Variants in NEDD4 observed in about 807,000 individuals in gnomAD.
NEDD4 encodes E3 ubiquitin-protein ligase NEDD4.
Under a neutral mutation model 144.9 loss-of-function variants are expected in NEDD4, and 99 were observed. The observed-to-expected ratio is 0.68, with a 90% CI of 0.58 to 0.81. The LOEUF (loss-of-function observed/expected upper bound fraction) is 0.81, where lower values mean the gene tolerates loss of function less well. Ranked by LOEUF, NEDD4 falls within the 30% of genes least tolerant of loss-of-function variation. The pLI, the probability that NEDD4 is intolerant of heterozygous loss-of-function variation, is 0.00. For synonymous variants in NEDD4, 318 were observed against 350.6 expected, an observed-to-expected ratio of 0.91 and a Z score of 1.04; for missense variants, 985 against 1,065.9, an observed-to-expected ratio of 0.92 and a Z score of 1.06.
At chr15:55,887,169 T>C (rs1426404574) in intron 5 of NEDD4, among the ~76,000 whole-genome samples, 1 of 150,706 alleles carries the variant, frequency 6.6e-6, no homozygotes, top group Non-Finnish European at 1.5e-5. Flanking sequence ...ATAAATGAAA[T>C]TGAAATGAAG....
chr15:55,855,726 T>C (rs1348250061), intron 12 of NEDD4, among the ~76,000 whole-genome samples: 1 of 152,244 alleles, frequency 6.6e-6, no homozygotes, highest in Non-Finnish European at 1.5e-5. Context: ...GGCATGTGAA[T>C]GCCAGTGCAC....
At chr15:55,975,893 T>C (rs547204999) in intron 1 of NEDD4, among the ~76,000 whole-genome samples, 2 of 152,330 alleles carry the variant, frequency 1.3e-5, no homozygotes, top group African/African-American at 4.8e-5. Flanking sequence ...TACAGAGTTA[T>C]AGTATCCAAC....
chr15:55,982,543 A>G (rs1468221926), intron 1 of NEDD4, among the ~76,000 whole-genome samples: 2 of 152,214 alleles, frequency 1.3e-5, no homozygotes, highest in African/African-American at 4.8e-5. Context: ...AACAGACAAA[A>G]GTAATCCATG....
chr15:55,878,105 G>C (rs964276590), intron 5 of NEDD4, among the ~76,000 whole-genome samples: 1 of 152,016 alleles, frequency 6.6e-6, no homozygotes, highest in East Asian at 1.9e-4. Context: ...TTACTTTCAG[G>C]CTCAAGAGAT....
intron 1 of NEDD4, among the ~76,000 whole-genome samples, chr15:55,969,887 TAAA>T (rs142815278): frequency 7.0e-6 from 1 of 143,752 alleles, no homozygotes; most frequent in African/African-American, 2.5e-5. Context: ...GAGGGAAAAG[TAAA>T]AAAAAAAAAA....
intron 1 of NEDD4, among the ~76,000 whole-genome samples, chr15:55,987,030 C>A (rs2037907425): frequency 6.8e-6 from 1 of 146,648 alleles, no homozygotes; most frequent in Admixed American, 6.9e-5. Context: ...AGTTCTAGAT[C>A]CCTGAGGAAT....
intron 2 of NEDD4, among the ~76,000 whole-genome samples, chr15:55,961,976 G>C (rs879301937): frequency 2.0e-5 from 3 of 152,170 alleles, no homozygotes; most frequent in Admixed American, 6.5e-5. Context: ...ACTGCTGAAA[G>C]AGAAGTGTTA....
At chr15:55,967,287 AT>A (rs2037530169) in intron 1 of NEDD4, among the ~76,000 whole-genome samples, 1 of 152,222 alleles carries the variant, frequency 6.6e-6, no homozygotes, top group African/African-American at 2.4e-5. Flanking sequence ...AATGTATCAA[AT>A]ATTAAATATC....
At chr15:55,993,612 T>TGGA (rs1302608628), upstream of NEDD4, 15 of 1,569,430 alleles carry the variant, frequency 9.6e-6, no homozygotes, top group South Asian at 4.6e-5. Flanking sequence ...CAGGCAACTG[T>TGGA]GGAGGAGGAG....
chr15:55,863,735 G>C (rs1222568760), intron 8 of NEDD4, among the ~76,000 whole-genome samples: 2 of 152,140 alleles, frequency 1.3e-5, no homozygotes, highest in Non-Finnish European at 2.9e-5. Flanking sequence ...GAAGGGCAAG[G>C]ATTATTTCTT....
chr15:55,955,624 T>A (rs1394748188), intron 2 of NEDD4, among the ~76,000 whole-genome samples: 1 of 152,116 alleles, frequency 6.6e-6, no homozygotes, highest in African/African-American at 2.4e-5. Context: ...TTAATCCATA[T>A]TGTCACATGA....
chr15:55,952,595 A>C (rs2037262040), intron 2 of NEDD4: 1 of 152,222 alleles, frequency 6.6e-6, no homozygotes, highest in African/African-American at 2.4e-5. Flanking sequence ...TTAATTGGCC[A>C]AACTCGAAGG....
Position 55,842,056 on chromosome 15 carries a change from T to C in NEDD4, c.1716A>G (p.Arg572=), listed in dbSNP as rs944294018. ...TTTCACCATCAAACTCAATCCACAGTCGAGCCTTCAGGAAGTCTGCTCTCT... is the reference window on the plus strand; with the variant it reads ...TTTCACCATCAAACTCAATCCACAGCCGAGCCTTCAGGAAGTCTGCTCTCT... ...GVKRADFLKA[R]LWIEFDGEKG... is the part of the protein sequence containing the mutation. Residue 572 remains arginine, a synonymous_variant, in exon 19 of 29, where the codon CGA becomes CGG. Transcript: ENST00000435532. The C allele has an allele frequency of 2.5e-6, 4 of 1,614,068 alleles. No homozygotes were observed. The African/African-American group carries it at 5.3e-5, about 22-fold the overall frequency.
rs1016896243 is a variant in NEDD4 at position 55,852,534 on chromosome 15, T to C, written c.1036A>G (p.Thr346Ala). 8 of 1,612,970 alleles carry C rather than the reference T, an allele frequency of 5.0e-6. No homozygotes were observed. The highest frequency in any genetic ancestry group is 4.0e-5 in the African/African-American group (3 of 74,782). ...EQPTLPVLLP[T>A]SSGLPPGWEE... Reference sequence around the variant, plus strand: ...CAACCTGGTGGTAATCCAGATGAAGTAGGCAAAAGCTAAAGTGAAGAATAA... The same window carrying C: ...CAACCTGGTGGTAATCCAGATGAAGCAGGCAAAAGCTAAAGTGAAGAATAA... The change falls in exon 13 of 29, where the codon ACT (threonine) becomes GCT (alanine). Residue 346 changes from threonine (T) to alanine (A), a missense_variant. Transcript: ENST00000435532.
intron 5 of NEDD4, among the ~76,000 whole-genome samples, chr15:55,901,199 A>T (rs796727030): frequency 1.2e-4 from 19 of 152,272 alleles, no homozygotes; most frequent in African/African-American, 4.6e-4. Flanking sequence ...CCTTTGTGAT[A>T]TCTTAACTAT....
In NEDD4 at chr15:55,993,500, G is replaced by A. The variant is rs369474221; in HGVS notation, c.45+11C>T. 4.1e-5 allele frequency: 65 copies of A among 1,594,630 alleles called. No homozygotes were observed. In the African/African-American group the frequency reaches 8.4e-4, roughly 21 times the overall value. ...AGGGAAGCCCGCCCCGCAGCCCCGCGGTCCCCGCACCTCGTCCTCCAGGAG... is the reference window on the plus strand; with the variant it reads ...AGGGAAGCCCGCCCCGCAGCCCCGCAGTCCCCGCACCTCGTCCTCCAGGAG... On this transcript the variant is annotated intron_variant, in intron 1 of 28. Coordinates refer to ENST00000435532, the MANE Select transcript of NEDD4 (RefSeq NM_006154.4).
intron 5 of NEDD4, among the ~76,000 whole-genome samples, chr15:55,906,659 C>T (rs1424713707): frequency 6.6e-6 from 1 of 152,002 alleles, no homozygotes; most frequent in East Asian, 1.9e-4. Flanking sequence ...GGAGGGATAG[C>T]ATTAGGTGAT....
chr15:55,916,642 C>T, intron 5 of NEDD4: 1 of 1,613,978 alleles, frequency 6.2e-7, no homozygotes, highest in Non-Finnish European at 8.5e-7. Flanking sequence ...TGAACGTTTT[C>T]CTTTATTAAC....
intron 1 of NEDD4, among the ~76,000 whole-genome samples, chr15:55,982,332 G>A (rs921110007): frequency 5.3e-5 from 8 of 152,024 alleles, no homozygotes; most frequent in South Asian, 2.1e-4. Context: ...AATGTTCACC[G>A]TAGGTTTATT....
Sources: gnomAD v4.1 joint callset for allele counts (sites outside exome capture counted in the v4.1 genomes callset) on GRCh38, gnomAD v4.1.1 for gene constraint, MANE v1.5 for transcripts, NCBI Gene and HGNC (gene_info 2026-07-23, HGNC 2026-07-21) for gene names.